The following DLGAP2 variants were observed in gnomAD, a reference collection of about 807,000 sequenced individuals.
The protein encoded by DLGAP2 is DLG associated protein 2.
A neutral mutation model predicts 100.3 loss-of-function variants in DLGAP2; 26 were observed. The ratio of observed to expected loss-of-function variants is 0.26; its 90% CI spans 0.19 to 0.36. The LOEUF (loss-of-function observed/expected upper bound fraction) is 0.36, where lower values mean the gene tolerates loss of function less well. DLGAP2 is among the 10% of genes least tolerant of loss of function. The pLI is 1.00. For synonymous variants in DLGAP2, 886 were observed against 630.1 expected, an observed-to-expected ratio of 1.41 and a Z score of -6.08; for missense variants, 1,858 against 1,453.2, an observed-to-expected ratio of 1.28 and a Z score of -4.53.
At chr8:1,040,943 A>G (rs1802329093) in intron 2 of DLGAP2, among the ~76,000 whole-genome samples, 2 of 152,028 alleles carry the variant, frequency 1.3e-5, no homozygotes, top group Admixed American at 6.5e-5. Flanking sequence ...TTGGTGACTT[A>G]CTTTTAGTCT....
intron 3 of DLGAP2, among the ~76,000 whole-genome samples, chr8:1,310,227 C>A (rs535239913): frequency 6.6e-6 from 1 of 151,514 alleles, no homozygotes; most frequent in Non-Finnish European, 1.5e-5. Context: ...CAGTTAACTC[C>A]AAAAAAATCC....
chr8:1,217,633 G>T (rs1170103262), intron 2 of DLGAP2, among the ~76,000 whole-genome samples: 1 of 152,010 alleles, frequency 6.6e-6, no homozygotes, highest in Admixed American at 6.6e-5. Context: ...CTGGTTAGCT[G>T]TATTCCTAGG....
At chr8:832,746 C>T (rs1395762960) in intron 1 of DLGAP2, among the ~76,000 whole-genome samples, 2 of 152,172 alleles carry the variant, frequency 1.3e-5, no homozygotes, top group African/African-American at 4.8e-5. Context: ...GTAAGAATGT[C>T]AGCTGCAGTA....
In DLGAP2 at chr8:1,316,169, G is replaced by A. The variant is rs1287096768; in HGVS notation, c.106+57286G>A. ...GTCTCCCCAACAGTGGTCTACACTC[G>A]AGAAACTCAGCAGCGTTTAAAAATA... On this transcript the variant is annotated intron_variant, in intron 3 of 14. Transcript: ENST00000637795. Among the ~76,000 whole-genome samples, 5 of 121,260 alleles carry A rather than the reference G, an allele frequency of 4.1e-5. 1 individual carries two copies. The highest frequency in any genetic ancestry group is 5.9e-5 in the African/African-American group (2 of 33,730). The allele number at this position is 121,260 out of a possible 152,430, so 79.6% of individuals were successfully genotyped here. A position where few individuals can be genotyped will look rare whatever the true frequency, so the allele number is the denominator to read the frequency against.
intron 3 of DLGAP2, among the ~76,000 whole-genome samples, chr8:1,357,807 C>T (rs771785975): frequency 3.9e-5 from 6 of 152,194 alleles, no homozygotes; most frequent in Non-Finnish European, 5.9e-5. Context: ...TTCAGACATA[C>T]GCTGGGGCTC....
chr8:1,675,257 C>T (rs1798784935), intron 10 of DLGAP2, among the ~76,000 whole-genome samples: 2 of 152,358 alleles, frequency 1.3e-5, no homozygotes, highest in Admixed American at 6.5e-5. Context: ...TTCTGTGCGG[C>T]ACCCGGCTCT....
At chr8:1,568,104 C>A (rs1425593358) in intron 6 of DLGAP2, among the ~76,000 whole-genome samples, 1 of 150,954 alleles carries the variant, frequency 6.6e-6, no homozygotes, top group African/African-American at 2.4e-5. Context: ...CTGCCTGTGG[C>A]CCCCATGCCA....
chr8:1,182,460 T>C (rs977620756), intron 2 of DLGAP2, among the ~76,000 whole-genome samples: 2 of 152,060 alleles, frequency 1.3e-5, no homozygotes, highest in African/African-American at 4.8e-5. Flanking sequence ...GAGATGTGGG[T>C]TGCTGAATTC....
chr8:1,533,793 C>CA (rs1282837417), intron 4 of DLGAP2, among the ~76,000 whole-genome samples: 1 of 151,900 alleles, frequency 6.6e-6, no homozygotes, highest in Non-Finnish European at 1.5e-5. Flanking sequence ...CCTGTCTCTA[C>CA]AAAAAAATTA....
At chr8:1,063,521 C>CTTTTTTTTTTTTT (rs34456280) in intron 2 of DLGAP2, among the ~76,000 whole-genome samples, 1 of 111,384 alleles carries the variant, frequency 9.0e-6, no homozygotes. Flanking sequence ...AGTATACTGG[C>CTTTTTTTTTTTTT]TTTTTTTTTT....
At chr8:1,418,756 T>A (rs1474345905) in intron 3 of DLGAP2, among the ~76,000 whole-genome samples, 1 of 152,218 alleles carries the variant, frequency 6.6e-6, no homozygotes, top group East Asian at 1.9e-4. Flanking sequence ...GGGCGTCCTC[T>A]AATTCATTGC....
intron 1 of DLGAP2, among the ~76,000 whole-genome samples, chr8:786,988 C>T (rs765777595): frequency 6.6e-6 from 1 of 152,190 alleles, no homozygotes; most frequent in Non-Finnish European, 1.5e-5. Flanking sequence ...CTGTCAGATT[C>T]TAACCAGGAA....
At chr8:1,077,602 G>C (rs35220148) in intron 2 of DLGAP2, among the ~76,000 whole-genome samples, 2 of 151,930 alleles carry the variant, frequency 1.3e-5, no homozygotes, top group Non-Finnish European at 2.9e-5. Flanking sequence ...GTGTATGCTC[G>C]GGATTGTTTA....
At chr8:1,368,196 G>A (rs1314934178) in intron 3 of DLGAP2, among the ~76,000 whole-genome samples, 1 of 152,104 alleles carries the variant, frequency 6.6e-6, no homozygotes, top group Non-Finnish European at 1.5e-5. Flanking sequence ...GCACGTGTGT[G>A]TACGTGTGTG....
chr8:1,701,440 C>T lies in DLGAP2; in HGVS notation c.*34C>T. ...GCCGGCGCCTTCCCCTCGTCGCTTC[C>T]GCTTTCCCGGACGCTTGTGCAGCGC... On this transcript the variant is annotated 3_prime_UTR_variant, in exon 15 of 15. Transcript: ENST00000637795. 1 of 1,546,444 alleles carries T rather than the reference C, an allele frequency of 6.5e-7. No individual in the cohort carries two copies. Among genetic ancestry groups the T allele is most frequent in the Non-Finnish European group, 8.7e-7 (1 of 1,146,508 alleles).
intron 2 of DLGAP2, among the ~76,000 whole-genome samples, chr8:1,072,420 TA>T (rs1422647170): frequency 6.6e-6 from 1 of 152,260 alleles, no homozygotes; most frequent in Non-Finnish European, 1.5e-5. Flanking sequence ...TAGAAATCTT[TA>T]CTGGGTGTCC....
chr8:1,352,174 G>A (rs1585290093), intron 3 of DLGAP2, among the ~76,000 whole-genome samples: 2 of 115,556 alleles, frequency 1.7e-5, no homozygotes, highest in East Asian at 4.9e-4. Flanking sequence ...GGTCCTGAGT[G>A]TGTGTGGATA....
chr8:1,689,689 C>T (rs1047782590), intron 12 of DLGAP2, among the ~76,000 whole-genome samples: 23 of 152,000 alleles, frequency 1.5e-4, no homozygotes, highest in Admixed American at 1.4e-3. Context: ...ACGCAGATGA[C>T]GCCCCGTGAG....
chr8:1,195,487 C>T (rs7839143), intron 2 of DLGAP2, among the ~76,000 whole-genome samples: 5,379 of 152,340 alleles, frequency 0.035, 120 homozygotes, highest in East Asian at 0.1. Context: ...GAAAGCACTA[C>T]TGAGAAAACA....
Sources: gnomAD v4.1 joint callset for allele counts (sites outside exome capture counted in the v4.1 genomes callset) on GRCh38, gnomAD v4.1.1 for gene constraint, MANE v1.5 for transcripts, NCBI Gene and HGNC (gene_info 2026-07-23, HGNC 2026-07-21) for gene names.